The following PLCXD3 variants were observed in gnomAD, a reference collection of about 807,000 sequenced individuals.
The protein encoded by PLCXD3 is phosphatidylinositol specific phospholipase C X domain containing 3.
A neutral mutation model predicts 25.5 loss-of-function variants in PLCXD3; 19 were observed. That is an observed-to-expected ratio of 0.75 (90% confidence interval 0.52 to 1.09). PLCXD3 has a LOEUF of 1.09. Ranked by LOEUF, PLCXD3 falls within the 50% of genes least tolerant of loss-of-function variation. PLCXD3 has a pLI of 0.00. For missense variants in PLCXD3, 411 were observed against 388.1 expected, an observed-to-expected ratio of 1.06 and a Z score of -0.50; for synonymous variants, 174 against 137.6, an observed-to-expected ratio of 1.26 and a Z score of -1.85.
chr5:41,424,433 G>A lies in PLCXD3; in HGVS notation c.104-41899C>T, dbSNP rs589715. 3.0e-4 allele frequency among the ~76,000 whole-genome samples: 45 copies of A among 152,122 alleles called. 1 individual carries two copies. The East Asian group carries it at 7.6e-3, about 26-fold the overall frequency. Reference sequence around the variant, plus strand: ...TGCATGCCTGTAATCCCAGCTACTCGGGAGGCTGGGGCAGGAGAATTGCTT... The same window carrying A: ...TGCATGCCTGTAATCCCAGCTACTCAGGAGGCTGGGGCAGGAGAATTGCTT... On this transcript the variant is annotated intron_variant, in intron 1 of 2. Coordinates refer to ENST00000377801, the MANE Select transcript of PLCXD3 (RefSeq NM_001005473.3).
chr5:41,460,685 T>C (rs1046002743), intron 1 of PLCXD3, among the ~76,000 whole-genome samples: 4 of 152,002 alleles, frequency 2.6e-5, no homozygotes, highest in Non-Finnish European at 5.9e-5. Flanking sequence ...ATTGCCCTTT[T>C]TACAACGTCA....
intron 1 of PLCXD3, among the ~76,000 whole-genome samples, chr5:41,473,360 C>T (rs1196835744): frequency 6.6e-6 from 1 of 152,056 alleles, no homozygotes; most frequent in Admixed American, 6.5e-5. Context: ...TATATCCTTT[C>T]TTGGTGCCAA....
intron 1 of PLCXD3, among the ~76,000 whole-genome samples, chr5:41,414,091 C>T (rs1162830218): frequency 6.6e-6 from 1 of 152,104 alleles, no homozygotes; most frequent in Non-Finnish European, 1.5e-5. Context: ...AAGCTAAGAC[C>T]CACATGCTGT....
At chr5:41,317,602 C>CA (rs1743340711) in intron 2 of PLCXD3, among the ~76,000 whole-genome samples, 2 of 151,892 alleles carry the variant, frequency 1.3e-5, no homozygotes, top group African/African-American at 4.8e-5. Context: ...TAAGGAAACT[C>CA]AAATAGGTTC....
chr5:41,454,847 C>G (rs888971188), intron 1 of PLCXD3, among the ~76,000 whole-genome samples: 1 of 151,870 alleles, frequency 6.6e-6, no homozygotes, highest in African/African-American at 2.4e-5. Context: ...CCTTCATAGA[C>G]TGGGTAATTA....
chr5:41,486,969 T>C (rs1245726942), intron 1 of PLCXD3, among the ~76,000 whole-genome samples: 1 of 152,180 alleles, frequency 6.6e-6, no homozygotes, highest in Non-Finnish European at 1.5e-5. Context: ...CACCTGATCC[T>C]ACTTGAATTA....
intron 2 of PLCXD3, among the ~76,000 whole-genome samples, chr5:41,372,330 A>C (rs1000422888): frequency 2.7e-5 from 4 of 149,154 alleles, no homozygotes; most frequent in Admixed American, 6.7e-5. Context: ...ACACACACAC[A>C]CACACACACA....
Position 41,342,380 on chromosome 5 carries a change from A to G in PLCXD3, c.813-28610T>C, listed in dbSNP as rs182360489. The stretch of plus-strand genomic sequence containing the variant: ...AGTTTAATCTAGAAAACCTGAATAT[A>G]TATTCAGGAAATAGTACTGATTTCA... On this transcript the variant is annotated intron_variant, in intron 2 of 2. Transcript: ENST00000377801. Among the ~76,000 whole-genome samples, 9 of 152,268 alleles carry G rather than the reference A, an allele frequency of 5.9e-5. No homozygotes were observed. The East Asian group carries it at 1.7e-3, about 29-fold the overall frequency.
chr5:41,418,701 G>C (rs1446469664), intron 1 of PLCXD3, among the ~76,000 whole-genome samples: 1 of 152,042 alleles, frequency 6.6e-6, no homozygotes, highest in African/African-American at 2.4e-5. Context: ...CTGCCACACT[G>C]CCTCCCCACA....
intron 1 of PLCXD3, among the ~76,000 whole-genome samples, chr5:41,443,276 C>G (rs896537107): frequency 5.9e-5 from 9 of 151,868 alleles, no homozygotes; most frequent in African/African-American, 1.9e-4. Flanking sequence ...GTTACAACTG[C>G]CTACAGCATT....
intron 1 of PLCXD3, among the ~76,000 whole-genome samples, chr5:41,451,597 TAG>T (rs1724453738): frequency 6.6e-6 from 1 of 151,804 alleles, no homozygotes; most frequent in African/African-American, 2.4e-5. Flanking sequence ...CAAAGAGAAA[TAG>T]AGTGATTATT....
chr5:41,318,126 T>C (rs1250969381), intron 2 of PLCXD3, among the ~76,000 whole-genome samples: 1 of 152,032 alleles, frequency 6.6e-6, no homozygotes, highest in Non-Finnish European at 1.5e-5. Flanking sequence ...AAATAGACTT[T>C]CCCAGATAAA....
intron 2 of PLCXD3, among the ~76,000 whole-genome samples, chr5:41,332,966 G>A (rs1743872088): frequency 1.3e-5 from 2 of 152,116 alleles, no homozygotes; most frequent in African/African-American, 2.4e-5. Flanking sequence ...AAGAGGGAGG[G>A]ATAGCTTTAG....
intron 1 of PLCXD3, among the ~76,000 whole-genome samples, chr5:41,498,661 A>T (rs577249083): frequency 6.6e-6 from 1 of 151,930 alleles, no homozygotes; most frequent in East Asian, 1.9e-4. Flanking sequence ...CTGTGAGATC[A>T]GCATTACACT....
chr5:41,324,336 C>T (rs567707298), intron 2 of PLCXD3, among the ~76,000 whole-genome samples: 10 of 152,200 alleles, frequency 6.6e-5, no homozygotes, highest in Admixed American at 4.6e-4. Context: ...AAATTCAGCC[C>T]GTTCAGACAA....
In PLCXD3 at chr5:41,388,426, C is replaced by T. The variant is rs113996415; in HGVS notation, c.104-5892G>A. ...ACTGCCACTGTCACCTCCAGGATAG[C>T]CAGATACCATATTCAGTACTCAAGA... On this transcript the variant is annotated intron_variant, in intron 1 of 2. Coordinates refer to ENST00000377801, the MANE Select transcript of PLCXD3 (RefSeq NM_001005473.3). Among the ~76,000 whole-genome samples the T allele has an allele frequency of 3.7e-3, 561 of 152,038 alleles. 3 individuals are homozygous for T. Among genetic ancestry groups the T allele is most frequent in the African/African-American group, 0.013 (524 of 41,500 alleles).
At chr5:41,381,779 A>T (rs1427370472) in intron 2 of PLCXD3, 47 bp downstream of exon 2, 11 of 1,485,580 alleles carry the variant, frequency 7.4e-6, no homozygotes, top group Non-Finnish European at 9.0e-6. Flanking sequence ...CTATAAATTC[A>T]AGTTAAATTA....
intron 1 of PLCXD3, among the ~76,000 whole-genome samples, chr5:41,508,575 A>G (rs888130240): frequency 6.6e-6 from 1 of 152,172 alleles, no homozygotes; most frequent in Non-Finnish European, 1.5e-5. Flanking sequence ...TGTACATAAC[A>G]GGGCTTTGAA....
intron 2 of PLCXD3, among the ~76,000 whole-genome samples, chr5:41,347,394 G>C (rs1744331339): frequency 6.6e-6 from 1 of 152,192 alleles, no homozygotes; most frequent in South Asian, 2.1e-4. Flanking sequence ...TATTAGATCA[G>C]ATTCATAGAT....
Sources: allele counts gnomAD v4.1 joint callset (sites outside exome capture counted in the v4.1 genomes callset), GRCh38; gene constraint gnomAD v4.1.1; transcripts MANE v1.5; gene names NCBI Gene and HGNC (gene_info 2026-07-23, HGNC 2026-07-21).